The following DNAH14 variants were observed in gnomAD, a reference collection of about 807,000 sequenced individuals.
DNAH14 encodes the protein axonemal beta dynein heavy chain 14.
DNAH14 carries 478 observed loss-of-function variants against 520.9 expected under a neutral mutation model. The observed-to-expected ratio is 0.92, with a 90% CI of 0.85 to 0.99. The LOEUF (loss-of-function observed/expected upper bound fraction) is 0.99, where lower values mean the gene tolerates loss of function less well. Ranked by LOEUF, DNAH14 falls within the 50% of genes least tolerant of loss-of-function variation. The pLI is 0.00. For synonymous variants in DNAH14, 1,581 were observed against 1,757.2 expected (o/e 0.90, Z 2.51); for missense variants, 4,831 against 5,234.5 (o/e 0.92, Z 2.38).
At chr1:225,107,263 C>A (rs191649741) in intron 23 of DNAH14, among the ~76,000 whole-genome samples, 1 of 152,112 alleles carries the variant, frequency 6.6e-6, no homozygotes. Context: ...AGTACCTGGC[C>A]GTGTGAGGTG....
chr1:225,270,233 A>G (rs1053157270), intron 49 of DNAH14, among the ~76,000 whole-genome samples: 3 of 147,856 alleles, frequency 2.0e-5, no homozygotes, highest in African/African-American at 7.6e-5. Context: ...CAGAAAACCA[A>G]ACACCGCATG....
At chr1:225,150,275 G>A (rs893091864) in intron 31 of DNAH14, among the ~76,000 whole-genome samples, 1 of 152,156 alleles carries the variant, frequency 6.6e-6, no homozygotes, top group Admixed American at 6.5e-5. Flanking sequence ...GGTTTTTGAT[G>A]TGCTGCTAGA....
chr1:224,955,649 T>C (rs2060464931), intron 3 of DNAH14, among the ~76,000 whole-genome samples: 1 of 152,196 alleles, frequency 6.6e-6, no homozygotes, highest in African/African-American at 2.4e-5. Flanking sequence ...GCCCCATTTA[T>C]GGTGCTTGTG....
At chr1:224,943,513 T>C (rs985261020) in intron 1 of DNAH14, among the ~76,000 whole-genome samples, 1 of 152,198 alleles carries the variant, frequency 6.6e-6, no homozygotes, top group Non-Finnish European at 1.5e-5. Context: ...GCTCTGATCT[T>C]AGTTATTTCT....
Position 225,338,066 on chromosome 1 carries a change from C to A in DNAH14, c.10317C>A (p.Leu3439=), listed in dbSNP as rs1167828708. 1 of 1,536,848 alleles carries A rather than the reference C, an allele frequency of 6.5e-7. No homozygotes were observed. The highest frequency in any genetic ancestry group is 1.4e-5 in the African/African-American group (1 of 71,874). The change falls in exon 68 of 86, where the codon CTC becomes CTA. Residue 3439 remains leucine, a synonymous_variant. Coordinates refer to ENST00000682510, the MANE Select transcript of DNAH14 (RefSeq NM_001367479.1). ...TTGTCTATTGGGTTTTTCAGAATCT[C>A]CTTGAGACATTAGCTCCAGGCTTAA... The part of the protein sequence containing the change: ...KTGGSVLLQN[L]LETLAPGLKA...
intron 10 of DNAH14, among the ~76,000 whole-genome samples, chr1:225,016,631 AT>A (rs1324824558): frequency 6.6e-6 from 1 of 151,868 alleles, no homozygotes; most frequent in Non-Finnish European, 1.5e-5. Flanking sequence ...CATTAAACAT[AT>A]TTTTCTTGTT....
At chr1:225,308,205 T>G in intron 59 of DNAH14, 80 bp from the exon 60 acceptor site, 105 of 1,374,618 alleles carry the variant, frequency 7.6e-5, no homozygotes, top group African/African-American at 1.2e-4. Flanking sequence ...CATAGTGAAA[T>G]GAGATATTTG....
Position 225,085,801 on chromosome 1 carries a change from G to A in DNAH14, c.3573+12G>A, listed in dbSNP as rs2073697090. 1 of 1,502,624 alleles carries A rather than the reference G, an allele frequency of 6.7e-7. No individual in the cohort carries two copies. The allele number at this position is 1,502,624 out of a possible 1,614,324, so 93.1% of individuals were successfully genotyped here. A position where few individuals can be genotyped will look rare whatever the true frequency, so the allele number is the denominator to read the frequency against. ...TTGGGCCCATTAAGGTAAGTATTATGGCAAAGGAAAAATGTTTTCTTTTTC... is the reference window on the plus strand; with the variant it reads ...TTGGGCCCATTAAGGTAAGTATTATAGCAAAGGAAAAATGTTTTCTTTTTC... On this transcript the variant is annotated intron_variant, in intron 21 of 85. Transcript: ENST00000682510.
intron 2 of DNAH14, chr1:224,954,710 C>A (rs141351341): frequency 3.7e-6 from 1 of 272,378 alleles, no homozygotes; most frequent in African/African-American, 2.2e-5. Context: ...ACTAGACTCT[C>A]CATGTAAATG....
intron 17 of DNAH14, among the ~76,000 whole-genome samples, chr1:225,057,291 G>A (rs1186591568): frequency 3.9e-5 from 6 of 152,180 alleles, no homozygotes; most frequent in African/African-American, 1.4e-4. Context: ...TCTCCTTGCA[G>A]CAATTGTGAA....
chr1:224,977,168 A>G (rs934873300), intron 8 of DNAH14, among the ~76,000 whole-genome samples: 1 of 152,104 alleles, frequency 6.6e-6, no homozygotes, highest in Non-Finnish European at 1.5e-5. Flanking sequence ...ATAAAAAAGG[A>G]TGAGTTCATG....
At position 225,377,423 on chromosome 1, in the gene DNAH14, A is replaced by C. The variant is rs2095715242; in HGVS notation, c.12703A>C (p.Asn4235His). 1.0e-5 allele frequency: 16 copies of C among 1,549,948 alleles called. No homozygotes were observed. Among genetic ancestry groups the C allele is most frequent in the East Asian group, 2.4e-5 (1 of 40,878 alleles). Residue 4235 changes from asparagine to histidine, a missense_variant, in exon 79 of 86, where the codon AAC becomes CAC. Coordinates refer to ENST00000682510, the MANE Select transcript of DNAH14 (RefSeq NM_001367479.1). ...CATGCAACCAAAAACTACCACTGCC[A>C]ACCTCATGATCAGGTAAGAACTCGC... The part of the protein sequence containing the change: ...IAMQPKTTTA[N>H]LMIRPEQSKD...
chr1:225,290,088 T>C lies in DNAH14; in HGVS notation c.8469+6T>C, dbSNP rs1179442466. 2 of 1,419,680 alleles carry C rather than the reference T, an allele frequency of 1.4e-6. No individual in the cohort carries two copies. The highest frequency in any genetic ancestry group is 2.8e-5 in the Admixed American group (1 of 36,350). 87.9% of individuals were successfully genotyped at this position (1,419,680 alleles called of 1,614,324 possible). On this transcript the variant is annotated splice_donor_region_variant and intron_variant, in intron 55 of 85. Coordinates refer to ENST00000682510, the MANE Select transcript of DNAH14 (RefSeq NM_001367479.1). The stretch of plus-strand genomic sequence containing the variant: ...CCAATTTAAACATAGAACAAGTAAG[T>C]ACTTTTTGTCTTTGCTATTTGCTGA...
In DNAH14 at chr1:224,974,109, T is replaced by A; in HGVS notation, c.786T>A (p.Val262=). 1.3e-6 allele frequency: 2 copies of A among 1,506,586 alleles called. No homozygotes were observed. The allele number at this position is 1,506,586 out of a possible 1,614,324, so 93.3% of individuals were successfully genotyped here. The change falls in exon 8 of 86, where the codon GTT becomes GTA. Residue 262 remains valine (V), a synonymous_variant. Transcript: ENST00000682510. The stretch of plus-strand genomic sequence containing the variant: ...CTTTCAGAATGAATAAAGCATTTGT[T>A]ACCTGGAAATTGAATGTTAAAAGAA... The part of the protein sequence containing the change: ...FSDFRMNKAF[V]TWKLNVKRIK...
intron 78 of DNAH14, among the ~76,000 whole-genome samples, chr1:225,375,747 G>A (rs1164518928): frequency 7.5e-6 from 1 of 133,700 alleles, no homozygotes; most frequent in Non-Finnish European, 1.5e-5. Flanking sequence ...AAAGCTATGA[G>A]GGCTTTTTTT....
chr1:225,346,637 C>A lies in DNAH14; in HGVS notation c.11279C>A (p.Ser3760Tyr), dbSNP rs751114138. The change falls in exon 71 of 86, where the codon TCC becomes TAC. Residue 3760 changes from serine (S) to tyrosine (Y), a missense_variant. Physicochemically the swap from Ser to Tyr is moderately radical, Grantham distance 144 (BLOSUM62 -2). Coordinates refer to ENST00000682510, the MANE Select transcript of DNAH14 (RefSeq NM_001367479.1). ...TTGATAAATATTAAAAGTGCATTAT[C>A]CCAGTCTAGACTTACTAGTAAGTAA... ...GILINIKSAL[S>Y]QSRLTSTFEI... 7.8e-6 allele frequency: 12 copies of A among 1,545,558 alleles called. No individual in the cohort carries two copies. The South Asian group carries it at 1.4e-4, about 19-fold the overall frequency.
At chr1:225,154,130 T>A (rs2080796696) in intron 34 of DNAH14, among the ~76,000 whole-genome samples, 1 of 151,998 alleles carries the variant, frequency 6.6e-6, no homozygotes. Context: ...AAAGACTATA[T>A]GAATATACCT....
chr1:225,002,906 A>C lies in DNAH14; in HGVS notation c.954A>C (p.Leu318=). Residue 318 remains leucine (L), a synonymous_variant, in exon 9 of 86, where the codon CTA becomes CTC. Coordinates refer to ENST00000682510, the MANE Select transcript of DNAH14 (RefSeq NM_001367479.1). ...LKNYNDHENN[L]SAICLVKLDS... is the part of the protein sequence containing the mutation. ...ATTATAATGACCATGAAAATAATCT[A>C]TCTGCCATATGCCTTGTAAAGGTGA... is the stretch of plus-strand genomic sequence containing the variant. The C allele has an allele frequency of 6.5e-7, 1 of 1,549,042 alleles. No individual in the cohort carries two copies.
chr1:225,218,098 A>T (rs1187158814), intron 41 of DNAH14, among the ~76,000 whole-genome samples: 1 of 152,198 alleles, frequency 6.6e-6, no homozygotes, highest in Non-Finnish European at 1.5e-5. Flanking sequence ...TTTATAGACA[A>T]GCAAATGCTG....
Sources: gnomAD v4.1 joint callset for allele counts (sites outside exome capture counted in the v4.1 genomes callset) on GRCh38, gnomAD v4.1.1 for gene constraint, MANE v1.5 for transcripts, NCBI Gene and HGNC (gene_info 2026-07-23, HGNC 2026-07-21) for gene names.